The following KSR1 variants were observed in gnomAD, a reference collection of about 807,000 sequenced individuals.
The protein encoded by KSR1 is kinase suppressor of ras 1.
Under a neutral mutation model 92.9 loss-of-function variants are expected in KSR1, and 35 were observed. The ratio of observed to expected loss-of-function variants is 0.38; its 90% confidence interval spans 0.29 to 0.50. KSR1 has a LOEUF of 0.50. Ranked by LOEUF, KSR1 falls within the 20% of genes least tolerant of loss-of-function variation. The probability of loss-of-function intolerance (pLI) is 0.94; values close to 1 mark genes in which losing one functional copy is unlikely to be tolerated. For synonymous variants in KSR1, 467 were observed against 472.6 expected, an observed-to-expected ratio of 0.99 and a Z score of 0.15; for missense variants, 972 against 1,158.5, an observed-to-expected ratio of 0.84 and a Z score of 2.34.
intron 2 of KSR1, among the ~76,000 whole-genome samples, chr17:27,552,159 A>G (rs964231925): frequency 6.6e-6 from 1 of 152,018 alleles, no homozygotes; most frequent in African/African-American, 2.4e-5. Context: ...CCTGCCCATC[A>G]TTCTCGCCTG....
intron 2 of KSR1, among the ~76,000 whole-genome samples, chr17:27,565,589 A>AT (rs2072030970): frequency 6.6e-6 from 1 of 151,990 alleles, no homozygotes; most frequent in South Asian, 2.1e-4. Flanking sequence ...CAGCAGGCTA[A>AT]TTTTTTTGTA....
chr17:27,495,817 T>A (rs971390793), intron 1 of KSR1, among the ~76,000 whole-genome samples: 1 of 152,026 alleles, frequency 6.6e-6, no homozygotes, highest in Non-Finnish European at 1.5e-5. Context: ...GCAAACATGC[T>A]TTTCAAAGCC....
chr17:27,572,633 T>A (rs1177685379), intron 2 of KSR1, among the ~76,000 whole-genome samples: 1 of 152,208 alleles, frequency 6.6e-6, no homozygotes, highest in African/African-American at 2.4e-5. Flanking sequence ...GGTTTCAGAG[T>A]GGCTTCACCT....
chr17:27,614,991 A>G (rs2074018334), intron 18 of KSR1, among the ~76,000 whole-genome samples: 1 of 152,224 alleles, frequency 6.6e-6, no homozygotes, highest in South Asian at 2.1e-4. Context: ...ACACTGCTGT[A>G]TAGTTCACCA....
intron 1 of KSR1, among the ~76,000 whole-genome samples, chr17:27,543,956 C>T (rs1287832163): frequency 6.6e-6 from 1 of 152,216 alleles, no homozygotes; most frequent in Non-Finnish European, 1.5e-5. Flanking sequence ...AGATTCCCAC[C>T]CATATCTTCT....
At chr17:27,564,147 C>T (rs1249073046) in intron 2 of KSR1, among the ~76,000 whole-genome samples, 1 of 152,054 alleles carries the variant, frequency 6.6e-6, no homozygotes, top group African/African-American at 2.4e-5. Context: ...CGTCACCACA[C>T]CCAGCTAATT....
intron 1 of KSR1, among the ~76,000 whole-genome samples, chr17:27,503,847 G>C (rs1345663529): frequency 1.3e-5 from 2 of 152,170 alleles, no homozygotes; most frequent in Non-Finnish European, 2.9e-5. Context: ...GTGCGGGTCG[G>C]AGCTCCTAGT....
rs117292610 is a variant in KSR1, at chr17:27,502,564, C to T, written c.231+45690C>T. Among the ~76,000 whole-genome samples the T allele has an allele frequency of 8.8e-3, 1,337 of 152,348 alleles. 14 individuals are homozygous for T. Among genetic ancestry groups the T allele is most frequent in the Non-Finnish European group, 0.015 (995 of 68,030 alleles). ...AAAGGCAGAGGCCGGCCTCAAGCCACGTGCAGCCTCACAAGTGGTCATTGT... is the reference window on the plus strand; with the variant it reads ...AAAGGCAGAGGCCGGCCTCAAGCCATGTGCAGCCTCACAAGTGGTCATTGT... On this transcript the variant is annotated intron_variant, in intron 1 of 20. Coordinates refer to ENST00000644974, the MANE Select transcript of KSR1 (RefSeq NM_001394583.1).
At position 27,459,374 on chromosome 17, in the gene KSR1, C is replaced by T. The variant is rs2019328667; in HGVS notation, c.231+2500C>T. Among the ~76,000 whole-genome samples, 1 of 152,220 alleles carries T rather than the reference C, an allele frequency of 6.6e-6. No individual in the cohort carries two copies. The highest frequency in any genetic ancestry group is 6.5e-5 in the Admixed American group (1 of 15,284). On this transcript the variant is annotated intron_variant, in intron 1 of 20. Coordinates refer to ENST00000644974, the MANE Select transcript of KSR1 (RefSeq NM_001394583.1). This position sits in a 1 kb window ranked among gnomAD's most constrained non-coding sequence, Gnocchi z 4.6. ...ACCCTTGCTAGGGAAACTTAACCCC[C>T]TACTTTATGGGTTCAGTAAATCTGG...
chr17:27,565,222 C>T (rs1401063838), intron 2 of KSR1, among the ~76,000 whole-genome samples: 1 of 152,158 alleles, frequency 6.6e-6, no homozygotes, highest in Non-Finnish European at 1.5e-5. Flanking sequence ...TTCCAGTCAA[C>T]CAACTTTGCT....
chr17:27,577,958 A>G lies in KSR1; in HGVS notation c.520+319A>G, dbSNP rs2072585827. ...TCTGTGTACCCTCTGCCAGCTTCCC[A>G]CATTCCAGCCCCCAGCCCTCTCCCC... On this transcript the variant is annotated intron_variant, in intron 3 of 20. Transcript: ENST00000644974. The surrounding 1 kb of genome is among the most constrained non-coding windows in gnomAD (Gnocchi z 4.5). The G allele has an allele frequency of 2.0e-5, 9 of 457,436 alleles. No homozygotes were observed. Among genetic ancestry groups the G allele is most frequent in the South Asian group, 1.8e-4 (9 of 49,106 alleles). The allele number at this position is 457,436 out of a possible 1,614,324, so 28.3% of individuals were successfully genotyped here. A position where few individuals can be genotyped will look rare whatever the true frequency, so the allele number is the denominator to read the frequency against.
At chr17:27,563,993 T>TTTTTTTTTTTTTTG (rs1309418934) in intron 2 of KSR1, among the ~76,000 whole-genome samples, 1 of 137,272 alleles carries the variant, frequency 7.3e-6, no homozygotes, top group East Asian at 2.1e-4. Context: ...TTTTTTTTTT[T>TTTTTTTTTTTTTTG]TTTTTTTTTT....
chr17:27,553,489 A>G (rs779292354), intron 2 of KSR1, among the ~76,000 whole-genome samples: 6 of 152,160 alleles, frequency 3.9e-5, no homozygotes, highest in Non-Finnish European at 5.9e-5. Flanking sequence ...CCGTCCCCCC[A>G]GTTGGTACCA....
At chr17:27,472,246 G>C (rs1436727050) in intron 1 of KSR1, among the ~76,000 whole-genome samples, 5 of 152,194 alleles carry the variant, frequency 3.3e-5, no homozygotes, top group Non-Finnish European at 2.9e-5. Context: ...GCTCCTCATG[G>C]GTTTCTTCCC....
At chr17:27,615,216 C>G (rs916450883) in intron 18 of KSR1, among the ~76,000 whole-genome samples, 1 of 152,234 alleles carries the variant, frequency 6.6e-6, no homozygotes, top group Non-Finnish European at 1.5e-5. Context: ...GTCAGCTCTC[C>G]CATTACTTAT....
intron 15 of KSR1, among the ~76,000 whole-genome samples, chr17:27,608,801 C>T (rs1207170817): frequency 6.6e-6 from 1 of 152,188 alleles, no homozygotes; most frequent in Non-Finnish European, 1.5e-5. Flanking sequence ...CACAGACCAG[C>T]TGTGCATATC....
At chr17:27,484,506 G>A (rs755626266) in intron 1 of KSR1, among the ~76,000 whole-genome samples, 1 of 152,222 alleles carries the variant, frequency 6.6e-6, no homozygotes, top group Non-Finnish European at 1.5e-5. Context: ...ACAGGCGTGA[G>A]CCACCATACC....
At chr17:27,476,946 A>T (rs1401407238) in intron 1 of KSR1, among the ~76,000 whole-genome samples, 1 of 152,168 alleles carries the variant, frequency 6.6e-6, no homozygotes, top group Non-Finnish European at 1.5e-5. Flanking sequence ...GGAATAAAAG[A>T]CTGGATGCTC....
rs2072552141 is a variant in KSR1 at position 27,577,413 on chromosome 17, G to T, written c.373-79G>T. On this transcript the variant is annotated intron_variant, in intron 2 of 20. Transcript: ENST00000644974. This position sits in a 1 kb window ranked among gnomAD's most constrained non-coding sequence, Gnocchi z 4.5. ...AGCAGCTGGCCCCTGCCACTCAGCA[G>T]GAGGCCAGCCTGAGGCTGAGGGGCT... The T allele has an allele frequency of 1.1e-6, 1 of 876,950 alleles. No individual in the cohort carries two copies. Among genetic ancestry groups the T allele is most frequent in the East Asian group, 2.7e-5 (1 of 37,562 alleles). 54.3% of individuals were successfully genotyped at this position (876,950 alleles called of 1,614,324 possible).
Sources: gnomAD v4.1 joint callset for allele counts (sites outside exome capture counted in the v4.1 genomes callset) on GRCh38, gnomAD v4.1.1 for gene constraint, Gnocchi (gnomAD v3.1) non-coding constraint, MANE v1.5 for transcripts, NCBI Gene and HGNC (gene_info 2026-07-23, HGNC 2026-07-21) for gene names.